GRIK3: variants seen among roughly 807,000 people sequenced by gnomAD.
The protein encoded by GRIK3 is glutamate receptor ionotropic, kainate 3.
GRIK3 carries 29 observed loss-of-function variants against 102.5 expected under a neutral mutation model. That is an observed-to-expected ratio of 0.28 (90% CI 0.21 to 0.39). The LOEUF is 0.39. Ranked by LOEUF, GRIK3 falls within the 10% of genes least tolerant of loss-of-function variation. The pLI, the probability that GRIK3 is intolerant of heterozygous loss-of-function variation, is 1.00. For missense variants in GRIK3, 908 were observed against 1,252.4 expected, an observed-to-expected ratio of 0.73 and a Z score of 4.15; for synonymous variants, 511 against 504.9, an observed-to-expected ratio of 1.01 and a Z score of -0.16.
At chr1:36,892,698 T>TA (rs1444911426) in intron 1 of GRIK3, among the ~76,000 whole-genome samples, 2 of 152,204 alleles carry the variant, frequency 1.3e-5, no homozygotes, top group Non-Finnish European at 2.9e-5. Flanking sequence ...CTCTAAAATG[T>TA]ATCTGGAAGA....
intron 7 of GRIK3, among the ~76,000 whole-genome samples, chr1:36,858,036 G>T (rs1640673084): frequency 6.6e-6 from 1 of 152,212 alleles, no homozygotes; most frequent in South Asian, 2.1e-4. Flanking sequence ...GGCCCGCTGT[G>T]ATTGTTACAG....
At chr1:36,911,916 C>T (rs965162155) in intron 1 of GRIK3, among the ~76,000 whole-genome samples, 7 of 152,234 alleles carry the variant, frequency 4.6e-5, no homozygotes, top group Middle Eastern at 3.4e-3. Context: ...GTCCCACCTC[C>T]GCGGTCAGTC....
chr1:37,017,799 G>A (rs976145878), intron 1 of GRIK3, among the ~76,000 whole-genome samples: 2 of 152,198 alleles, frequency 1.3e-5, no homozygotes, highest in Non-Finnish European at 2.9e-5. Context: ...GCTAACGGTT[G>A]TCTAAGTTGT....
chr1:36,920,875 CA>C (rs2124303900), intron 1 of GRIK3, among the ~76,000 whole-genome samples: 1 of 152,364 alleles, frequency 6.6e-6, no homozygotes, highest in African/African-American at 2.4e-5. Context: ...TGTGAGTTTT[CA>C]GCAGCAGCTC....
chr1:36,893,490 A>G (rs1005618616), intron 1 of GRIK3, among the ~76,000 whole-genome samples: 1 of 152,238 alleles, frequency 6.6e-6, no homozygotes, highest in Non-Finnish European at 1.5e-5. Flanking sequence ...ACAATGAGAT[A>G]CCATTTTTTG....
rs536691527 is a variant in GRIK3, at chr1:36,868,617, TAGG to T, written c.786+1128_786+1130del. Among the ~76,000 whole-genome samples the T allele has an allele frequency of 1.8e-3, 268 of 152,314 alleles. 2 individuals carry two copies. The highest frequency in any genetic ancestry group is 6.0e-3 in the African/African-American group (250 of 41,560). On this transcript the variant is annotated intron_variant, in intron 5 of 15. Coordinates refer to ENST00000373091, the MANE Select transcript of GRIK3 (RefSeq NM_000831.4). ...TCAAGCTACCAACATGACATGGACT[TAGG>T]AGGAGATAATGCAATTGGCTCTCGC... is the stretch of plus-strand genomic sequence containing the variant.
intron 8 of GRIK3, among the ~76,000 whole-genome samples, chr1:36,851,710 C>A (rs1640587746): frequency 6.6e-6 from 1 of 152,218 alleles, no homozygotes; most frequent in African/African-American, 2.4e-5. Flanking sequence ...TGACCCGGTG[C>A]CTTGGTGAGT....
intron 1 of GRIK3, among the ~76,000 whole-genome samples, chr1:36,977,721 C>G (rs1642209679): frequency 6.6e-6 from 1 of 151,886 alleles, no homozygotes; most frequent in Non-Finnish European, 1.5e-5. Context: ...TGAATCCTGA[C>G]AGATTTGAAT....
intron 1 of GRIK3, among the ~76,000 whole-genome samples, chr1:37,009,381 G>T (rs1642565196): frequency 1.3e-5 from 2 of 152,192 alleles, no homozygotes; most frequent in South Asian, 4.1e-4. Flanking sequence ...TCAAGGCCAG[G>T]CCAGAGCCTG....
intron 1 of GRIK3, among the ~76,000 whole-genome samples, chr1:37,012,966 C>T (rs1642613479): frequency 6.6e-6 from 1 of 152,178 alleles, no homozygotes; most frequent in African/African-American, 2.4e-5. Context: ...TAGCCTGGCC[C>T]CTGTATTAGT....
At chr1:36,941,723 C>A (rs75998798) in intron 1 of GRIK3, among the ~76,000 whole-genome samples, 2,654 of 152,336 alleles carry the variant, frequency 0.017, 75 homozygotes, top group African/African-American at 0.061. Context: ...TTTGTCTTCA[C>A]AACTGCCCTG....
chr1:37,018,018 G>A (rs967936356), intron 1 of GRIK3, among the ~76,000 whole-genome samples: 2 of 152,142 alleles, frequency 1.3e-5, no homozygotes, highest in Non-Finnish European at 2.9e-5. Flanking sequence ...CGCTTGTGCA[G>A]AAACTGATTG....
At chr1:36,954,857 G>C (rs1641884932) in intron 1 of GRIK3, among the ~76,000 whole-genome samples, 1 of 152,234 alleles carries the variant, frequency 6.6e-6, no homozygotes, top group Non-Finnish European at 1.5e-5. Flanking sequence ...AGTGCATAGT[G>C]GGCAAGTGCC....
intron 7 of GRIK3, among the ~76,000 whole-genome samples, chr1:36,855,304 C>T (rs188266652): frequency 1.8e-4 from 27 of 152,326 alleles, no homozygotes; most frequent in Non-Finnish European, 3.4e-4. Context: ...GGCTCCACAG[C>T]CTCTCCCTGC....
rs141847119 is a variant in GRIK3, at chr1:36,898,357, T to G, written c.116-7261A>C. Among the ~76,000 whole-genome samples the G allele has an allele frequency of 4.3e-4, 66 of 152,318 alleles. 1 individual carries two copies. The highest frequency in any genetic ancestry group is 1.5e-3 in the African/African-American group (63 of 41,576). On this transcript the variant is annotated intron_variant, in intron 1 of 15. Transcript: ENST00000373091. ...CATTTCCCATGATGTGATTATTACATATTGCATGCCTGTATGCCTTACAAG... is the reference window on the plus strand; with the variant it reads ...CATTTCCCATGATGTGATTATTACAGATTGCATGCCTGTATGCCTTACAAG...
intron 9 of GRIK3, among the ~76,000 whole-genome samples, 190 bp from the exon 10 acceptor site, chr1:36,842,129 A>C (rs754614357): frequency 1.3e-5 from 2 of 152,148 alleles, no homozygotes; most frequent in African/African-American, 4.8e-5. Context: ...GGCCTCATGA[A>C]TGGCTACCTG....
At chr1:36,951,882 C>G (rs1485604450) in intron 1 of GRIK3, among the ~76,000 whole-genome samples, 2 of 152,134 alleles carry the variant, frequency 1.3e-5, no homozygotes, top group African/African-American at 4.8e-5. Flanking sequence ...CCACAGGAGG[C>G]AGGGCAGGTA....
At chr1:36,965,973 T>C (rs79619162) in intron 1 of GRIK3, among the ~76,000 whole-genome samples, 1,825 of 152,272 alleles carry the variant, frequency 0.012, 20 homozygotes, top group Admixed American at 0.022. Flanking sequence ...AATCTGCCCT[T>C]CGAGGGATAA....
At chr1:37,001,094 A>G (rs942019582) in intron 1 of GRIK3, among the ~76,000 whole-genome samples, 1 of 152,262 alleles carries the variant, frequency 6.6e-6, no homozygotes, top group Non-Finnish European at 1.5e-5. Flanking sequence ...ATTATCAACC[A>G]GCAATTTTCA....
Sources: gnomAD v4.1 joint callset for allele counts (sites outside exome capture counted in the v4.1 genomes callset) on GRCh38, gnomAD v4.1.1 for gene constraint, MANE v1.5 for transcripts, NCBI Gene and HGNC (gene_info 2026-07-23, HGNC 2026-07-21) for gene names.